PALM: variants seen among roughly 807,000 people sequenced by gnomAD.
PALM encodes paralemmin-1.
A neutral mutation model predicts 30.7 loss-of-function variants in PALM; 18 were observed. That is an observed-to-expected ratio of 0.59 (90% CI 0.41 to 0.87). The LOEUF is 0.87. PALM is among the 40% of genes least tolerant of loss of function. PALM has a pLI of 0.00. For missense variants in PALM, 529 were observed against 555.4 expected (o/e 0.95, Z 0.48); for synonymous variants, 286 against 242.8 (o/e 1.18, Z -1.66).
chr19:727,444 C>G, intron 3 of PALM, 120 bp from the exon 4 acceptor site: 1 of 775,960 alleles, frequency 1.3e-6, no homozygotes, highest in East Asian at 2.7e-5. Flanking sequence ...AACCATAACC[C>G]TGACCCCAAC....
At chr19:740,218 C>A in intron 7 of PALM, 134 bp from the exon 8 acceptor site, 1 of 835,458 alleles carries the variant, frequency 1.2e-6, no homozygotes, top group Non-Finnish European at 1.8e-6. Context: ...GGTGCCCAGG[C>A]ATCCCCGGCT....
intron 5 of PALM, among the ~76,000 whole-genome samples, chr19:731,720 G>A (rs991307471): frequency 6.6e-6 from 1 of 152,114 alleles, no homozygotes; most frequent in African/African-American, 2.4e-5. Context: ...CCAGGCTGGA[G>A]TGTAGTGGTA....
At chr19:736,148 C>G in intron 7 of PALM, 70 bp downstream of exon 7, 1 of 1,103,494 alleles carries the variant, frequency 9.1e-7, no homozygotes, top group Non-Finnish European at 1.3e-6. Context: ...GTCCGGGGGG[C>G]CGGGTGGGGC....
At chr19:716,740 C>A (rs2032273436) in intron 1 of PALM, among the ~76,000 whole-genome samples, 1 of 152,142 alleles carries the variant, frequency 6.6e-6, no homozygotes, top group South Asian at 2.1e-4. Context: ...GGACCCCAGC[C>A]CCTGGCCTGG....
chr19:716,936 CT>C (rs879839131), intron 1 of PALM, among the ~76,000 whole-genome samples: 204 of 145,808 alleles, frequency 1.4e-3, no homozygotes, highest in Middle Eastern at 3.6e-3. Context: ...ACAGGGTGTA[CT>C]TTTTTTTTTT....
At position 709,579 on chromosome 19, in the gene PALM, C is replaced by G. The variant is rs1052620321; in HGVS notation, c.5+428C>G. On this transcript the variant is annotated intron_variant, in intron 1 of 8. Coordinates refer to ENST00000338448, the MANE Select transcript of PALM (RefSeq NM_002579.3). The surrounding 1 kb of genome is among the most constrained non-coding windows in gnomAD (Gnocchi z 4.3). ...GCGCTCACGCACCCTTCCCCCGCCCCAGTCTGAGCGCACGGCTCCTGGCGC... is the reference window on the plus strand; with the variant it reads ...GCGCTCACGCACCCTTCCCCCGCCCGAGTCTGAGCGCACGGCTCCTGGCGC... 6.6e-6 allele frequency among the ~76,000 whole-genome samples: 1 copy of G among 152,092 alleles called. No individual in the cohort carries two copies. Among genetic ancestry groups the G allele is most frequent in the African/African-American group, 2.4e-5 (1 of 41,446 alleles).
intron 1 of PALM, among the ~76,000 whole-genome samples, chr19:713,129 A>G (rs751562342): frequency 1.3e-4 from 19 of 151,706 alleles, no homozygotes; most frequent in Non-Finnish European, 2.4e-4. Context: ...CGCCGGGGAC[A>G]GGGGAGGGTT....
rs955473307 is a variant in PALM at position 709,989 on chromosome 19, C to T, written c.5+838C>T. ...ACACCGGTCCCCTCCTCCCGGTGCTCGGGTGCCCCTCTGCCCCTCACTCCC... is the reference window on the plus strand; with the variant it reads ...ACACCGGTCCCCTCCTCCCGGTGCTTGGGTGCCCCTCTGCCCCTCACTCCC... On this transcript the variant is annotated intron_variant, in intron 1 of 8. Transcript: ENST00000338448. This position sits in a 1 kb window ranked among gnomAD's most constrained non-coding sequence, Gnocchi z 4.3. Among the ~76,000 whole-genome samples, 1 of 152,124 alleles carries T rather than the reference C, an allele frequency of 6.6e-6. No homozygotes were observed. Among genetic ancestry groups the T allele is most frequent in the African/African-American group, 2.4e-5 (1 of 41,436 alleles).
chr19:726,895 G>A (rs1437762071), intron 2 of PALM, 113 bp from the exon 3 acceptor site: 8 of 688,052 alleles, frequency 1.2e-5, no homozygotes, highest in African/African-American at 3.6e-5. Flanking sequence ...AGTGGGCCAC[G>A]AGGATCCCCG....
chr19:739,748 G>C (rs2144916754), intron 7 of PALM, among the ~76,000 whole-genome samples: 1 of 152,280 alleles, frequency 6.6e-6, no homozygotes, highest in South Asian at 2.1e-4. Flanking sequence ...GGCCAAGGCA[G>C]GTGGATCACC....
rs71174319 is a variant in PALM, at chr19:727,231, TGACCCCGACCCC to T, written c.138+155_138+166del. 10 of 593,312 alleles carry T rather than the reference TGACCCCGACCCC, an allele frequency of 1.7e-5. No individual in the cohort carries two copies. In the East Asian group the frequency reaches 2.3e-4, roughly 14 times the overall value. The allele number at this position is 593,312 out of a possible 1,614,324, so 36.8% of individuals were successfully genotyped here. A position where few individuals can be genotyped will look rare whatever the true frequency, so the allele number is the denominator to read the frequency against. ...CCAGCCCTGACCCTGACCCCGACCC[TGACCCCGACCCC>T]GACCCCGACCCTGACCCCAACCTGA... On this transcript the variant is annotated intron_variant, in intron 3 of 8. Coordinates refer to ENST00000338448, the MANE Select transcript of PALM (RefSeq NM_002579.3).
chr19:746,753 C>T lies in PALM; in HGVS notation c.1103C>T (p.Thr368Ile), dbSNP rs1419007576. ...AATCAGGCGGGGCCCGAGGCCACCA[C>T]CAGCGACCCCCAGGACCTCGACATG... ...EENQAGPEATTSDPQDLDMKK... is the reference protein window; with the variant it reads ...EENQAGPEATISDPQDLDMKK... The change falls in exon 9 of 9, where the codon ACC (threonine) becomes ATC (isoleucine). Residue 368 changes from threonine to isoleucine, a missense_variant. Physicochemically the swap from Thr to Ile is moderately conservative, Grantham distance 89. Transcript: ENST00000338448. This position sits in a 1 kb window ranked among gnomAD's most constrained non-coding sequence, Gnocchi z 7.1. The T allele has an allele frequency of 6.3e-7, 1 of 1,595,488 alleles. No homozygotes were observed. Among genetic ancestry groups the T allele is most frequent in the South Asian group, 1.1e-5 (1 of 89,472 alleles).
chr19:719,427 G>C, intron 1 of PALM: 2 of 985,330 alleles, frequency 2.0e-6, no homozygotes, highest in Non-Finnish European at 2.4e-6. Context: ...GCCACACGCC[G>C]TAAAAAGCAT....
intron 1 of PALM, chr19:719,708 G>A (rs1033537321): frequency 1.8e-5 from 15 of 835,866 alleles, no homozygotes; most frequent in Admixed American, 6.2e-5. Context: ...CCCCTGCGCC[G>A]GGGTCCTGGT....
rs1380963395 is a variant in PALM at position 748,142 on chromosome 19, C to G, written c.*1328C>G. The G allele has an allele frequency of 6.6e-6, 1 of 152,304 alleles. No homozygotes were observed. The highest frequency in any genetic ancestry group is 1.9e-4 in the East Asian group (1 of 5,136). The allele number at this position is 152,304 out of a possible 1,614,324, so 9.4% of individuals were successfully genotyped here. On this transcript the variant is annotated 3_prime_UTR_variant, in exon 9 of 9. Coordinates refer to ENST00000338448, the MANE Select transcript of PALM (RefSeq NM_002579.3). Reference sequence around the variant, plus strand: ...CCCTGGGTGGCTGGGAGGAGAGGCCCTCTCGGGGGTGACCTGGGCGTCAGC... The same window carrying G: ...CCCTGGGTGGCTGGGAGGAGAGGCCGTCTCGGGGGTGACCTGGGCGTCAGC...
At position 709,074 on chromosome 19, in the gene PALM, C is replaced by T. The variant is rs1411218055; in HGVS notation, c.-73C>T. 2 of 241,762 alleles carry T rather than the reference C, an allele frequency of 8.3e-6. No homozygotes were observed. Among genetic ancestry groups the T allele is most frequent in the Admixed American group, 5.7e-5 (1 of 17,430 alleles). 15.0% of individuals were successfully genotyped at this position (241,762 alleles called of 1,614,324 possible). ...CCCCGCCAGGCCGCGTCCCCCTCCC[C>T]TCCCCTCCCCCGCGCGCCACCCGCG... On this transcript the variant is annotated 5_prime_UTR_variant, in exon 1 of 9. Transcript: ENST00000338448. The surrounding 1 kb of genome is among the most constrained non-coding windows in gnomAD (Gnocchi z 4.3).
At position 741,526 on chromosome 19, in the gene PALM, AGGGGAGACG is replaced by A. The variant is rs2033195842; in HGVS notation, c.634+1046_634+1054del. On this transcript the variant is annotated intron_variant, in intron 8 of 8. Transcript: ENST00000338448. ...TGCAGGGGTGAGGGGAGACGGGGTG[AGGGGAGACG>A]GGCTGCAGGGGTGAGGGGAGACGGG... Among the ~76,000 whole-genome samples, 4 of 26,932 alleles carry A rather than the reference AGGGGAGACG, an allele frequency of 1.5e-4. 1 individual carries two copies. Among genetic ancestry groups the A allele is most frequent in the Non-Finnish European group, 3.1e-4 (4 of 13,100 alleles). 17.7% of individuals were successfully genotyped at this position (26,932 alleles called of 152,430 possible).
intron 8 of PALM, 98 bp downstream of exon 8, chr19:740,581 G>T: frequency 8.6e-7 from 1 of 1,157,006 alleles, no homozygotes; most frequent in Admixed American, 2.4e-5. Flanking sequence ...CCGGAATCAG[G>T]ACCCCGATTC....
At chr19:720,329 G>T (rs1363959704) in intron 1 of PALM, among the ~76,000 whole-genome samples, 6 of 151,140 alleles carry the variant, frequency 4.0e-5, no homozygotes, top group African/African-American at 9.7e-5. Context: ...AGGGGCGAGG[G>T]GGGCGCATCC....
Sources: allele counts gnomAD v4.1 joint callset (sites outside exome capture counted in the v4.1 genomes callset), GRCh38; gene constraint gnomAD v4.1.1; non-coding constraint Gnocchi (gnomAD v3.1); transcripts MANE v1.5; gene names NCBI Gene and HGNC (gene_info 2026-07-23, HGNC 2026-07-21).